The following EPHB1 variants were observed in gnomAD, a reference collection of about 807,000 sequenced individuals.
The protein encoded by EPHB1 is EPH receptor B1, also known as ephrin type-B receptor 1.
EPHB1 carries 30 observed loss-of-function variants against 94.4 expected under a neutral mutation model. That is an observed-to-expected ratio of 0.32 (90% CI 0.24 to 0.43). The LOEUF (loss-of-function observed/expected upper bound fraction) is 0.43, where lower values mean the gene tolerates loss of function less well. EPHB1 is among the 20% of genes least tolerant of loss of function. The pLI is 1.00. For synonymous variants in EPHB1, 522 were observed against 489.1 expected (o/e 1.07, Z -0.89); for missense variants, 1,055 against 1,308.3 (o/e 0.81, Z 2.99).
chr3:135,208,290 CGTGTGTGTGTGTGT>C (rs55947191), intron 12 of EPHB1, among the ~76,000 whole-genome samples: 76 of 142,780 alleles, frequency 5.3e-4, no homozygotes, highest in African/African-American at 1.0e-3. Flanking sequence ...CCTTTCATGA[CGTGTGTGTGTGTGT>C]GTGTGTGTGT....
Position 134,882,765 on chromosome 3 carries a change from C to CCTTTCTTTCTTTCTTT in EPHB1, c.59-43006_59-42991dup, listed in dbSNP as rs1553861896. Among the ~76,000 whole-genome samples the CCTTTCTTTCTTTCTTT allele has an allele frequency of 7.6e-4, 61 of 79,922 alleles. 2 individuals are homozygous for CCTTTCTTTCTTTCTTT. Among genetic ancestry groups the CCTTTCTTTCTTTCTTT allele is most frequent in the African/African-American group, 2.6e-3 (59 of 22,308 alleles). The allele number at this position is 79,922 out of a possible 152,430, so 52.4% of individuals were successfully genotyped here. A position where few individuals can be genotyped will look rare whatever the true frequency, so the allele number is the denominator to read the frequency against. On this transcript the variant is annotated intron_variant, in intron 1 of 15. Transcript: ENST00000398015. ...TTCTTTCTTCCTTTCTTCCTTCCTT[C>CCTTTCTTTCTTTCTTT]CTTTCTTTCTTTCTTTCTTTCTTTC...
chr3:135,177,169 A>G (rs1284340617), intron 9 of EPHB1, among the ~76,000 whole-genome samples: 1 of 152,210 alleles, frequency 6.6e-6, no homozygotes, highest in Non-Finnish European at 1.5e-5. Flanking sequence ...GGAGAAAACC[A>G]TGCTAAGAGG....
intron 1 of EPHB1, among the ~76,000 whole-genome samples, chr3:134,837,016 G>A (rs1433707235): frequency 2.0e-5 from 3 of 152,198 alleles, no homozygotes; most frequent in Admixed American, 6.5e-5. Context: ...TTATGCATCA[G>A]CAAATATCCA....
At chr3:134,971,165 A>C (rs534588829) in intron 3 of EPHB1, among the ~76,000 whole-genome samples, 130 of 152,318 alleles carry the variant, frequency 8.5e-4, no homozygotes, top group African/African-American at 2.9e-3. Flanking sequence ...GGCTTAACTT[A>C]TCAAGTGTGG....
chr3:135,098,131 C>G (rs1938876864), intron 3 of EPHB1, among the ~76,000 whole-genome samples: 1 of 152,200 alleles, frequency 6.6e-6, no homozygotes, highest in Admixed American at 6.5e-5. Flanking sequence ...TCACCCTGAC[C>G]TGCTATGCTC....
At chr3:134,925,297 T>G (rs1035622718) in intron 1 of EPHB1, among the ~76,000 whole-genome samples, 6 of 152,258 alleles carry the variant, frequency 3.9e-5, no homozygotes, top group South Asian at 4.1e-4. Flanking sequence ...GGTGTCAATA[T>G]AGATGCCTGA....
rs557175395 is a variant in EPHB1, at chr3:134,924,569, T to C, written c.59-1247T>C. ...ACACACTGATTAAAATGGCTAAAGTTAAAAACAAATGACCATGCCAAGTGT... is the reference window on the plus strand; with the variant it reads ...ACACACTGATTAAAATGGCTAAAGTCAAAAACAAATGACCATGCCAAGTGT... On this transcript the variant is annotated intron_variant, in intron 1 of 15. Coordinates refer to ENST00000398015, the MANE Select transcript of EPHB1 (RefSeq NM_004441.5). Among the ~76,000 whole-genome samples the C allele has an allele frequency of 4.1e-3, 624 of 152,180 alleles. 3 individuals carry two copies. Among genetic ancestry groups the C allele is most frequent in the Non-Finnish European group, 6.2e-3 (419 of 67,984 alleles).
chr3:134,905,170 A>C (rs1250523077), intron 1 of EPHB1, among the ~76,000 whole-genome samples: 1 of 152,186 alleles, frequency 6.6e-6, no homozygotes, highest in Non-Finnish European at 1.5e-5. Context: ...TTTCTTTAGA[A>C]TACTCTTGTA....
At chr3:135,089,691 C>T (rs574899673) in intron 3 of EPHB1, among the ~76,000 whole-genome samples, 1 of 152,312 alleles carries the variant, frequency 6.6e-6, no homozygotes, top group East Asian at 1.9e-4. Flanking sequence ...GGAGCAATGT[C>T]GTGTTCACCT....
chr3:135,063,094 T>A lies in EPHB1; in HGVS notation c.806-43354T>A, dbSNP rs569941499. Among the ~76,000 whole-genome samples the A allele has an allele frequency of 9.2e-5, 14 of 152,318 alleles. No homozygotes were observed. The South Asian group carries it at 2.9e-3, about 32-fold the overall frequency. ...TGCTGTTTTGGTGACTGTAACCTTA[T>A]AGTATAGTTTGAAATCAGGTCGTAT... On this transcript the variant is annotated intron_variant, in intron 3 of 15. Transcript: ENST00000398015.
intron 12 of EPHB1, among the ~76,000 whole-genome samples, chr3:135,207,175 A>G (rs1316076000): frequency 1.3e-5 from 2 of 152,292 alleles, no homozygotes; most frequent in Non-Finnish European, 2.9e-5. Flanking sequence ...TTTTCTGTAC[A>G]CATTATTTGG....
At chr3:134,930,385 A>T (rs1436353348) in intron 2 of EPHB1, among the ~76,000 whole-genome samples, 1 of 152,254 alleles carries the variant, frequency 6.6e-6, no homozygotes, top group East Asian at 1.9e-4. Flanking sequence ...GTTTAATCTA[A>T]ATCAGGGGCT....
chr3:135,083,667 A>G (rs572704704), intron 3 of EPHB1, among the ~76,000 whole-genome samples: 2 of 152,228 alleles, frequency 1.3e-5, no homozygotes, highest in East Asian at 3.9e-4. Flanking sequence ...GAGGAGGTGC[A>G]GGTAGGAGAA....
chr3:134,925,423 G>C (rs1446012571), intron 1 of EPHB1, among the ~76,000 whole-genome samples: 1 of 152,192 alleles, frequency 6.6e-6, no homozygotes, highest in Non-Finnish European at 1.5e-5. Flanking sequence ...GCTTGAGGAA[G>C]GAATTAACTT....
At chr3:135,168,259 C>T (rs1344252228) in intron 9 of EPHB1, among the ~76,000 whole-genome samples, 1 of 152,252 alleles carries the variant, frequency 6.6e-6, no homozygotes, top group Non-Finnish European at 1.5e-5. Context: ...TCTGCACTGG[C>T]TCGAGCACTG....
chr3:135,106,712 G>A (rs1559832560), intron 4 of EPHB1, 109 bp downstream of exon 4: 1 of 1,404,866 alleles, frequency 7.1e-7, no homozygotes, highest in Middle Eastern at 1.9e-4. Context: ...CCAGGGCAAA[G>A]CAGAATTGCT....
At chr3:135,163,657 T>A (rs1941572953) in intron 7 of EPHB1, among the ~76,000 whole-genome samples, 1 of 152,220 alleles carries the variant, frequency 6.6e-6, no homozygotes, top group Non-Finnish European at 1.5e-5. Flanking sequence ...AAACTCAAAA[T>A]GCTCCGAGTG....
chr3:134,984,752 G>C (rs927264183), intron 3 of EPHB1, among the ~76,000 whole-genome samples: 3 of 152,192 alleles, frequency 2.0e-5, no homozygotes, highest in African/African-American at 7.2e-5. Flanking sequence ...AGCAGATCCA[G>C]GTATGTGCCT....
chr3:134,914,411 A>G (rs887007855), intron 1 of EPHB1, among the ~76,000 whole-genome samples: 3 of 152,242 alleles, frequency 2.0e-5, no homozygotes, highest in East Asian at 1.9e-4. Flanking sequence ...ATGGCTGAAC[A>G]TGAGCCTTAG....
Sources: allele counts gnomAD v4.1 joint callset (sites outside exome capture counted in the v4.1 genomes callset), GRCh38; gene constraint gnomAD v4.1.1; transcripts MANE v1.5; gene names NCBI Gene and HGNC (gene_info 2026-07-23, HGNC 2026-07-21).